Variants in MRPL13 observed in about 807,000 individuals in gnomAD.
The protein encoded by MRPL13 is mitochondrial ribosomal protein L13.
Under a neutral mutation model 29.0 loss-of-function variants are expected in MRPL13, and 33 were observed. The observed-to-expected ratio is 1.14, with a 90% CI of 0.86 to 1.52. MRPL13 has a LOEUF of 1.52. Among genes scored for constraint, MRPL13 ranks in the 40% most tolerant of loss-of-function variants. The pLI is 0.00. For synonymous variants in MRPL13, 77 were observed against 68.4 expected (o/e 1.13, Z -0.62); for missense variants, 227 against 216.7 (o/e 1.05, Z -0.30).
intron 3 of MRPL13, among the ~76,000 whole-genome samples, chr8:120,428,773 C>A (rs1169640435): frequency 6.6e-6 from 1 of 152,008 alleles, no homozygotes; most frequent in African/African-American, 2.4e-5. Context: ...CAAATCAAAA[C>A]CACAATGAGA....
chr8:120,406,595 T>C (rs979902958), intron 6 of MRPL13, among the ~76,000 whole-genome samples: 2 of 146,576 alleles, frequency 1.4e-5, no homozygotes, highest in Non-Finnish European at 3.0e-5. Context: ...GTGTGTGTAA[T>C]TGTTATCTAA....
chr8:120,443,216 C>T lies in MRPL13; in HGVS notation c.120G>A (p.Gln40=). 1.2e-6 allele frequency: 2 copies of T among 1,607,814 alleles called. No homozygotes were observed. Among genetic ancestry groups the T allele is most frequent in the Non-Finnish European group, 1.7e-6 (2 of 1,176,998 alleles). The change falls in exon 2 of 7, where the codon CAG becomes CAA. Residue 40 remains glutamine, a synonymous_variant. Transcript: ENST00000306185. ...CATGGTACACAGGTTTATGTAATCC[C>T]TGAAGTCTTATAGATGCCATAGCAG... ...KLAAMASIRL[Q]GLHKPVYHAL... is the part of the protein sequence containing the mutation.
At chr8:120,425,459 A>G in intron 3 of MRPL13, 93 bp from the exon 4 acceptor site, 7 of 907,538 alleles carry the variant, frequency 7.7e-6, no homozygotes, top group Non-Finnish European at 8.4e-6. Flanking sequence ...ATTTTAATAA[A>G]TTGTTTCTCG....
At chr8:120,401,588 A>AGCAAATGACAAGGAT (rs1182461917) in intron 6 of MRPL13, among the ~76,000 whole-genome samples, 2 of 152,152 alleles carry the variant, frequency 1.3e-5, no homozygotes, top group African/African-American at 2.4e-5. Context: ...CTTGAAAACC[A>AGCAAATGACAAGGAT]GCAAATGACA....
At chr8:120,403,006 C>T (rs2130451529) in intron 6 of MRPL13, among the ~76,000 whole-genome samples, 1 of 152,286 alleles carries the variant, frequency 6.6e-6, no homozygotes, top group Non-Finnish European at 1.5e-5. Flanking sequence ...ACAACAGATG[C>T]TGGCAAAGTT....
At chr8:120,400,681 G>A (rs1183188238) in intron 6 of MRPL13, among the ~76,000 whole-genome samples, 1 of 148,506 alleles carries the variant, frequency 6.7e-6, no homozygotes, top group Non-Finnish European at 1.5e-5. Context: ...AATGAATCCA[G>A]GAGCTGGTTT....
intron 5 of MRPL13, chr8:120,415,406 T>C (rs1308208327): frequency 6.6e-6 from 1 of 152,144 alleles, no homozygotes; most frequent in African/African-American, 2.4e-5. Context: ...GCCAAGGACA[T>C]GGCATCAAAT....
At chr8:120,417,871 C>T (rs1418216220) in intron 5 of MRPL13, among the ~76,000 whole-genome samples, 1 of 152,092 alleles carries the variant, frequency 6.6e-6, no homozygotes, top group Non-Finnish European at 1.5e-5. Flanking sequence ...TAGGGAATAG[C>T]ATGTGGAAAA....
At chr8:120,430,230 C>G (rs549191433) in intron 3 of MRPL13, among the ~76,000 whole-genome samples, 1 of 152,186 alleles carries the variant, frequency 6.6e-6, no homozygotes, top group Non-Finnish European at 1.5e-5. Context: ...CCACTGCACT[C>G]CAGCCAGGAT....
At chr8:120,397,600 T>A (rs1812539778) in intron 6 of MRPL13, among the ~76,000 whole-genome samples, 1 of 152,102 alleles carries the variant, frequency 6.6e-6, no homozygotes, top group Non-Finnish European at 1.5e-5. Flanking sequence ...CTGTGCCAGA[T>A]CACAGCCACA....
At chr8:120,431,487 G>A (rs1812995251) in intron 3 of MRPL13, among the ~76,000 whole-genome samples, 2 of 152,142 alleles carry the variant, frequency 1.3e-5, no homozygotes, top group South Asian at 4.1e-4. Flanking sequence ...AGGAGTTTTA[G>A]CTGACAGTAA....
chr8:120,431,943 A>C (rs1813000480), intron 3 of MRPL13, 87 bp downstream of exon 3: 1 of 960,978 alleles, frequency 1.0e-6, no homozygotes, highest in Non-Finnish European at 1.5e-6. Flanking sequence ...TTTTAAAAAT[A>C]TCTTTTTTCT....
At chr8:120,435,511 C>A (rs1186274645) in intron 2 of MRPL13, among the ~76,000 whole-genome samples, 1 of 152,126 alleles carries the variant, frequency 6.6e-6, no homozygotes, top group Non-Finnish European at 1.5e-5. Context: ...CCTCCAGCTC[C>A]ACCCATGTTG....
At chr8:120,440,524 G>A (rs1813105818) in intron 2 of MRPL13, among the ~76,000 whole-genome samples, 1 of 151,236 alleles carries the variant, frequency 6.6e-6, no homozygotes, top group Non-Finnish European at 1.5e-5. Context: ...AGAAATGCTT[G>A]AACCCAGGAG....
intron 2 of MRPL13, among the ~76,000 whole-genome samples, chr8:120,442,759 G>A (rs1813138335): frequency 6.6e-6 from 1 of 152,148 alleles, no homozygotes. Flanking sequence ...GTGAAAATAA[G>A]CTTCCCATAC....
At chr8:120,415,130 TA>T (rs1422463659) in intron 5 of MRPL13, 1 of 152,150 alleles carries the variant, frequency 6.6e-6, no homozygotes, top group Non-Finnish European at 1.5e-5. Context: ...AATGAACATT[TA>T]TATTGTACTC....
chr8:120,428,577 T>C lies in MRPL13; in HGVS notation c.246-3211A>G, dbSNP rs193126781. 3.4e-3 allele frequency among the ~76,000 whole-genome samples: 511 copies of C among 152,268 alleles called. 1 individual carries two copies. The highest frequency in any genetic ancestry group is 6.4e-3 in the Non-Finnish European group (432 of 68,024). On this transcript the variant is annotated intron_variant, in intron 3 of 6. Coordinates refer to ENST00000306185, the MANE Select transcript of MRPL13 (RefSeq NM_014078.6). Reference sequence around the variant, plus strand: ...ACACCTACAGAATGGGAGAAAATTTTTGCAAACTATGCATCTGACAAAGGT... The same window carrying C: ...ACACCTACAGAATGGGAGAAAATTTCTGCAAACTATGCATCTGACAAAGGT...
chr8:120,417,321 T>C (rs1038687965), intron 5 of MRPL13, among the ~76,000 whole-genome samples: 3 of 152,170 alleles, frequency 2.0e-5, no homozygotes, highest in Non-Finnish European at 4.4e-5. Flanking sequence ...TCACAAATAA[T>C]TGAAAAGATG....
chr8:120,419,831 T>A, intron 5 of MRPL13, 21 bp downstream of exon 5: 1 of 1,555,080 alleles, frequency 6.4e-7, no homozygotes, highest in Non-Finnish European at 8.7e-7. Context: ...AAAGCATTGT[T>A]ACCAATGACC....
Sources: gnomAD v4.1 joint callset for allele counts (sites outside exome capture counted in the v4.1 genomes callset) on GRCh38, gnomAD v4.1.1 for gene constraint, MANE v1.5 for transcripts, NCBI Gene and HGNC (gene_info 2026-07-23, HGNC 2026-07-21) for gene names.